The following NRG1 variants were observed in gnomAD, a reference collection of about 807,000 sequenced individuals.
NRG1 encodes pro-neuregulin-1, membrane-bound isoform.
A neutral mutation model predicts 63.8 loss-of-function variants in NRG1; 18 were observed. That is an observed-to-expected ratio of 0.28 (90% confidence interval 0.19 to 0.42). The LOEUF (loss-of-function observed/expected upper bound fraction) is 0.42. Ranked by LOEUF, NRG1 falls within the 10% of genes least tolerant of loss-of-function variation. NRG1 has a pLI of 1.00. For synonymous variants in NRG1, 302 were observed against 301.3 expected (o/e 1.00, Z -0.02); for missense variants, 762 against 814.7 (o/e 0.94, Z 0.79).
intron 1 of NRG1, among the ~76,000 whole-genome samples, chr8:31,768,967 G>C (rs978474630): frequency 6.6e-6 from 1 of 152,156 alleles, no homozygotes; most frequent in African/African-American, 2.4e-5. Flanking sequence ...CTCATAGTTG[G>C]ACTGGGTGAG....
chr8:32,346,569 ATATT>A, intron 1 of NRG1, among the ~76,000 whole-genome samples: 1 of 151,492 alleles, frequency 6.6e-6, no homozygotes, highest in African/African-American at 2.4e-5. Context: ...AAAAAAATCT[ATATT>A]TATCTCATTC....
chr8:32,049,948 G>A (rs1191089303), intron 1 of NRG1, among the ~76,000 whole-genome samples: 1 of 152,018 alleles, frequency 6.6e-6, no homozygotes, highest in Non-Finnish European at 1.5e-5. Context: ...CCTAATATGA[G>A]TAAGATGATT....
intron 1 of NRG1, among the ~76,000 whole-genome samples, chr8:32,278,405 C>G (rs1852340353): frequency 6.6e-6 from 1 of 152,178 alleles, no homozygotes; most frequent in African/African-American, 2.4e-5. Context: ...AAACCCAACT[C>G]AGGCCTCAAC....
intron 1 of NRG1, among the ~76,000 whole-genome samples, chr8:31,831,568 C>T (rs1825166038): frequency 6.6e-6 from 1 of 152,108 alleles, no homozygotes; most frequent in Admixed American, 6.5e-5. Flanking sequence ...AATAGTCATA[C>T]CATGTGAAAC....
intron 1 of NRG1, among the ~76,000 whole-genome samples, chr8:31,972,916 A>C (rs1563635316): frequency 6.6e-6 from 1 of 152,244 alleles, no homozygotes; most frequent in Non-Finnish European, 1.5e-5. Flanking sequence ...AAACTGTTTA[A>C]AAAAGTTCTC....
intron 1 of NRG1, among the ~76,000 whole-genome samples, chr8:31,708,411 C>A (rs1403199339): frequency 6.6e-6 from 1 of 151,348 alleles, no homozygotes; most frequent in African/African-American, 2.4e-5. Context: ...CAACAACTTC[C>A]GATTATTACT....
intron 1 of NRG1, among the ~76,000 whole-genome samples, chr8:32,188,050 T>C (rs1008134344): frequency 1.2e-4 from 18 of 152,120 alleles, no homozygotes; most frequent in Non-Finnish European, 2.1e-4. Context: ...TATTCAGATA[T>C]CTTTACTCTA....
At chr8:31,667,423 G>C (rs906515096) in intron 1 of NRG1, among the ~76,000 whole-genome samples, 1 of 152,188 alleles carries the variant, frequency 6.6e-6, no homozygotes, top group Non-Finnish European at 1.5e-5. Flanking sequence ...CCCATCCCCT[G>C]CTCCTCAGTG....
At chr8:32,758,575 CAAAAAAAAA>C (rs35499101) in intron 9 of NRG1, among the ~76,000 whole-genome samples, 2 of 74,524 alleles carry the variant, frequency 2.7e-5, no homozygotes, top group African/African-American at 6.2e-5. Flanking sequence ...GACTCCATCT[CAAAAAAAAA>C]AAAAAAAAAA....
At chr8:32,003,295 A>G (rs1163810160) in intron 1 of NRG1, among the ~76,000 whole-genome samples, 1 of 152,120 alleles carries the variant, frequency 6.6e-6, no homozygotes, top group Non-Finnish European at 1.5e-5. Context: ...AGGATATAAA[A>G]TCAGTAATTT....
chr8:31,660,469 G>T (rs182628656), intron 1 of NRG1, among the ~76,000 whole-genome samples: 1 of 152,304 alleles, frequency 6.6e-6, no homozygotes, highest in African/African-American at 2.4e-5. Context: ...AAAACTGTTT[G>T]CAGGGTGTGT....
chr8:32,285,199 A>G (rs903673263), intron 1 of NRG1, among the ~76,000 whole-genome samples: 2 of 152,168 alleles, frequency 1.3e-5, no homozygotes, highest in African/African-American at 4.8e-5. Flanking sequence ...TCTAAACTGG[A>G]AAGGGCCTTT....
intron 1 of NRG1, among the ~76,000 whole-genome samples, chr8:32,065,393 G>C (rs866299580): frequency 2.0e-5 from 3 of 151,898 alleles, no homozygotes; most frequent in Admixed American, 1.3e-4. Flanking sequence ...GTGATGTTCC[G>C]CTTCCCGTGT....
chr8:31,986,643 A>G (rs768328598), intron 1 of NRG1, among the ~76,000 whole-genome samples: 34 of 152,122 alleles, frequency 2.2e-4, no homozygotes, highest in Non-Finnish European at 4.9e-4. Flanking sequence ...AACAATAAGA[A>G]AAGTAGATTT....
At chr8:32,576,287 C>G (rs1839618345) in intron 1 of NRG1, among the ~76,000 whole-genome samples, 1 of 152,066 alleles carries the variant, frequency 6.6e-6, no homozygotes, top group Admixed American at 6.6e-5. Context: ...TCAGGAGAAA[C>G]TTTTTGGAAT....
intron 1 of NRG1, among the ~76,000 whole-genome samples, chr8:32,090,508 A>C (rs150319577): frequency 1.2e-3 from 189 of 151,966 alleles, no homozygotes; most frequent in African/African-American, 4.4e-3. Flanking sequence ...TTTAGTAGAG[A>C]TGGGGTTTTA....
At chr8:32,718,943 C>A (rs1819947966) in intron 5 of NRG1, among the ~76,000 whole-genome samples, 1 of 152,120 alleles carries the variant, frequency 6.6e-6, no homozygotes, top group South Asian at 2.1e-4. Flanking sequence ...CATATCATCT[C>A]CAGATCGTGA....
chr8:32,534,661 C>G (rs923708635), intron 1 of NRG1, among the ~76,000 whole-genome samples: 1 of 152,034 alleles, frequency 6.6e-6, no homozygotes, highest in East Asian at 1.9e-4. Context: ...ATATTAATGT[C>G]TTTTACTGAT....
At chr8:32,449,289 C>T (rs559334155) in intron 1 of NRG1, among the ~76,000 whole-genome samples, 40 of 151,856 alleles carry the variant, frequency 2.6e-4, no homozygotes, top group Non-Finnish European at 4.9e-4. Flanking sequence ...AGAGCAAGAC[C>T]TTGTCTCAAA....
Sources: gnomAD v4.1 joint callset for allele counts (sites outside exome capture counted in the v4.1 genomes callset) on GRCh38, gnomAD v4.1.1 for gene constraint, MANE v1.5 for transcripts, NCBI Gene and HGNC (gene_info 2026-07-23, HGNC 2026-07-21) for gene names.